Variants in GRIP2 observed in about 807,000 individuals in gnomAD.
GRIP2 encodes the protein glutamate receptor interacting protein 2.
In GRIP2, 58 loss-of-function variants were observed where a neutral mutation model predicts 108.3. The observed-to-expected ratio is 0.54, with a 90% CI of 0.43 to 0.67. The LOEUF is 0.67. GRIP2 is among the 30% of genes least tolerant of loss of function. The pLI is 0.00. For missense variants in GRIP2, 1,278 were observed against 1,430.6 expected (o/e 0.89, Z 1.72); for synonymous variants, 586 against 598.2 (o/e 0.98, Z 0.30).
At chr3:14,578,572 C>A in the GRIP2 span, among the ~76,000 whole-genome samples, 1 of 152,030 alleles carries the variant, frequency 6.6e-6, no homozygotes, top group Non-Finnish European at 1.5e-5. Context: ...CAAAAATTAG[C>A]CAGGCATGGT....
At chr3:14,543,599 G>A (rs1375703247), upstream of GRIP2, among the ~76,000 whole-genome samples, 1 of 152,256 alleles carries the variant, frequency 6.6e-6, no homozygotes, top group Admixed American at 6.5e-5. Flanking sequence ...CCAACTTCAG[G>A]GAAGCAGAAG....
At chr3:14,570,520 T>G in the GRIP2 span, among the ~76,000 whole-genome samples, 1 of 152,252 alleles carries the variant, frequency 6.6e-6, no homozygotes, top group Non-Finnish European at 1.5e-5. Context: ...AACTATTTGT[T>G]GCTGGACAGT....
the GRIP2 span, among the ~76,000 whole-genome samples, chr3:14,579,387 A>C: frequency 6.6e-6 from 1 of 152,226 alleles, no homozygotes; most frequent in Non-Finnish European, 1.5e-5. Context: ...AGTGTGTTTT[A>C]CTGTATATAC....
intron 11 of GRIP2, 28 bp downstream of exon 11, chr3:14,517,035 CA>C: frequency 6.7e-7 from 1 of 1,488,670 alleles, no homozygotes; most frequent in Non-Finnish European, 9.0e-7. Flanking sequence ...ACAAGCAGCC[CA>C]AGGAGGAGGG....
rs1694278340 is a variant in GRIP2 at position 14,517,362 on chromosome 3, G to A, written c.1157-149C>T. The A allele has an allele frequency of 2.8e-5, 23 of 809,866 alleles. No homozygotes were observed. The South Asian group carries it at 5.2e-4, about 18-fold the overall frequency. 50.2% of individuals were successfully genotyped at this position (809,866 alleles called of 1,614,324 possible). ...TTACTCATTGTGTGACCTCAGGCAA[G>A]TCCCTTTCCTCTCTGGGTCTCAAAG... On this transcript the variant is annotated intron_variant, in intron 10 of 23. Transcript: ENST00000621039.
chr3:14,563,286 A>G, the GRIP2 span, among the ~76,000 whole-genome samples: 1 of 152,214 alleles, frequency 6.6e-6, no homozygotes, highest in Non-Finnish European at 1.5e-5. Context: ...CAAAAAAAAA[A>G]GTTCTGTGGT....
chr3:14,559,516 T>C (rs1208229916), upstream of GRIP2, among the ~76,000 whole-genome samples: 5 of 151,488 alleles, frequency 3.3e-5, no homozygotes, highest in African/African-American at 9.7e-5. Context: ...AGCATTATGT[T>C]GGGCCCAAGA....
the GRIP2 span, among the ~76,000 whole-genome samples, chr3:14,600,634 C>T: frequency 8.1e-3 from 1,239 of 152,312 alleles, 6 homozygotes; most frequent in Middle Eastern, 0.027. Flanking sequence ...CACTCCTGGG[C>T]CTGGCTGACC....
upstream of GRIP2, chr3:14,541,887 G>A (rs549750703): frequency 1.5e-4 from 195 of 1,335,610 alleles, 1 homozygote; most frequent in South Asian, 8.4e-4. Flanking sequence ...TTTGGCCACC[G>A]GTACCCTGGC....
rs750166120 is a variant in GRIP2, at chr3:14,517,764, C to A, written c.1156+8G>T. 1 of 1,610,182 alleles carries A rather than the reference C, an allele frequency of 6.2e-7. No individual in the cohort carries two copies. The highest frequency in any genetic ancestry group is 1.3e-5 in the African/African-American group (1 of 74,816). ...ACTGGCTGAGCTACAGCAGGGCAGG[C>A]ACATTACATCGGCTTTGGTCCTGGC... On this transcript the variant is annotated splice_region_variant and intron_variant, in intron 10 of 23. Coordinates refer to ENST00000621039, the MANE Select transcript of GRIP2 (RefSeq NM_001080423.4).
the GRIP2 span, among the ~76,000 whole-genome samples, chr3:14,601,420 C>A: frequency 6.6e-6 from 1 of 152,116 alleles, no homozygotes; most frequent in African/African-American, 2.4e-5. Context: ...CAAGACACCG[C>A]CCCCCTCCTT....
At chr3:14,555,070 C>T (rs891582107) in intron 1 of GRIP2, among the ~76,000 whole-genome samples, 4 of 152,098 alleles carry the variant, frequency 2.6e-5, no homozygotes, top group Non-Finnish European at 4.4e-5. Context: ...GGGTTTAACT[C>T]CAGCTCCTCC....
At chr3:14,517,037 A>C (rs747677953) in intron 11 of GRIP2, 27 bp downstream of exon 11, 1 of 1,492,506 alleles carries the variant, frequency 6.7e-7, no homozygotes, top group African/African-American at 1.4e-5. Flanking sequence ...AAGCAGCCCA[A>C]GGAGGAGGGA....
At position 14,522,199 on chromosome 3, in the gene GRIP2, T is replaced by C. The variant is rs1055233738; in HGVS notation, c.567-412A>G. ...CATGCCACACGGCATTGGGGGCTGC[T>C]CTGAGCCGTCCTGGTCCCTTCCCAT... On this transcript the variant is annotated intron_variant, in intron 6 of 23. Coordinates refer to ENST00000621039, the MANE Select transcript of GRIP2 (RefSeq NM_001080423.4). The surrounding 1 kb of genome is among the most constrained non-coding windows in gnomAD (Gnocchi z 4.3). The C allele has an allele frequency of 7.3e-5, 13 of 177,580 alleles. No individual in the cohort carries two copies. Among genetic ancestry groups the C allele is most frequent in the African/African-American group, 2.9e-4 (12 of 42,042 alleles). 11.0% of individuals were successfully genotyped at this position (177,580 alleles called of 1,614,324 possible). A position where few individuals can be genotyped will look rare whatever the true frequency, so the allele number is the denominator to read the frequency against.
chr3:14,512,638 C>T lies in GRIP2; in HGVS notation c.1720+139G>A, dbSNP rs1694129427. On this transcript the variant is annotated intron_variant, in intron 14 of 23. Transcript: ENST00000621039. This position sits in a 1 kb window ranked among gnomAD's most constrained non-coding sequence, Gnocchi z 5.1. ...ACGCAGCTGGGTCCACGGAAGCCAG[C>T]CTCCCCACACCCCCAAGCCTTTTCC... 6 of 741,086 alleles carry T rather than the reference C, an allele frequency of 8.1e-6. No individual in the cohort carries two copies. The South Asian group carries it at 1.1e-4, about 14-fold the overall frequency. 45.9% of individuals were successfully genotyped at this position (741,086 alleles called of 1,614,324 possible).
chr3:14,582,082 T>A, the GRIP2 span, among the ~76,000 whole-genome samples: 1 of 152,186 alleles, frequency 6.6e-6, no homozygotes, highest in South Asian at 2.1e-4. Context: ...TTGCTCCTCA[T>A]ATCTCAGGGA....
chr3:14,505,714 G>C lies in GRIP2; in HGVS notation c.2474C>G (p.Pro825Arg). 1 of 1,591,892 alleles carries C rather than the reference G, an allele frequency of 6.3e-7. No homozygotes were observed. Among genetic ancestry groups the C allele is most frequent in the Non-Finnish European group, 8.6e-7 (1 of 1,169,504 alleles). ...ERRPGWLRGSPPPTEPRRTSY... is the reference protein window; with the variant it reads ...ERRPGWLRGSRPPTEPRRTSY... ...CGTCCTCCGGGGCTCGGTGGGTGGGGGGCTGCCCCTCAGCCAGCCAGGCCT... is the reference window on the plus strand; with the variant it reads ...CGTCCTCCGGGGCTCGGTGGGTGGGCGGCTGCCCCTCAGCCAGCCAGGCCT... The change falls in exon 20 of 24, where the codon CCC (proline) becomes CGC (arginine). Residue 825 changes from proline (P) to arginine (R), a missense_variant. Physicochemically the swap from Pro to Arg is moderately radical, Grantham distance 103 (BLOSUM62 -2). Transcript: ENST00000621039. The surrounding 1 kb of genome is among the most constrained non-coding windows in gnomAD (Gnocchi z 4.2).
chr3:14,563,514 G>C, the GRIP2 span, among the ~76,000 whole-genome samples: 1 of 152,108 alleles, frequency 6.6e-6, no homozygotes, highest in Non-Finnish European at 1.5e-5. Context: ...GCGTGGGCCT[G>C]GAGGGTCCGA....
At chr3:14,524,587 C>G in intron 3 of GRIP2, 49 bp from the exon 4 acceptor site, 1 of 1,525,848 alleles carries the variant, frequency 6.6e-7, no homozygotes, top group Non-Finnish European at 8.8e-7. Flanking sequence ...CTGGCCCATG[C>G]AGTCCTGGCA....
Sources: gnomAD v4.1 joint callset for allele counts (sites outside exome capture counted in the v4.1 genomes callset) on GRCh38, gnomAD v4.1.1 for gene constraint, Gnocchi (gnomAD v3.1) non-coding constraint, MANE v1.5 for transcripts, NCBI Gene and HGNC (gene_info 2026-07-23, HGNC 2026-07-21) for gene names.